The following KIF1C variants were observed in gnomAD, a reference collection of about 807,000 sequenced individuals.
KIF1C encodes the protein kinesin family member 1C.
In KIF1C, 61 loss-of-function variants were observed where a neutral mutation model predicts 126.5. The ratio of observed to expected loss-of-function variants is 0.48; its 90% CI spans 0.39 to 0.60. The LOEUF (loss-of-function observed/expected upper bound fraction) is 0.60. Ranked by LOEUF, KIF1C falls within the 20% of genes least tolerant of loss-of-function variation. KIF1C has a pLI of 0.00. For synonymous variants in KIF1C, 640 were observed against 580.6 expected, an observed-to-expected ratio of 1.10 and a Z score of -1.47; for missense variants, 1,315 against 1,489.2, an observed-to-expected ratio of 0.88 and a Z score of 1.93.
chr17:5,012,548 A>C (rs1162159226), intron 16 of KIF1C, among the ~76,000 whole-genome samples: 1 of 152,034 alleles, frequency 6.6e-6, no homozygotes, highest in Non-Finnish European at 1.5e-5. Flanking sequence ...CAGGGATGCC[A>C]GGGGAAAAAG....
chr17:5,014,776 C>T lies in KIF1C; in HGVS notation c.1605C>T (p.Thr535=), dbSNP rs145893640. The T allele has an allele frequency of 6.2e-5, 100 of 1,601,084 alleles. No homozygotes were observed. In the East Asian group the frequency reaches 1.5e-3, roughly 24 times the overall value. Residue 535 remains threonine (T), a synonymous_variant, in exon 18 of 23, where the codon ACC becomes ACT. Coordinates refer to ENST00000320785, the MANE Select transcript of KIF1C (RefSeq NM_006612.6). ...VGQVDMDIKL[T]GQFIREQHCL... ...AAGTAGATATGGACATCAAGCTGAC[C>T]GGACAGTTCATTCGGGAGCAACACT...
Position 4,998,078 on chromosome 17 carries a change from C to A in KIF1C, c.-227C>A, listed in dbSNP as rs1192093807. The A allele has an allele frequency of 6.6e-6, 1 of 151,676 alleles. No individual in the cohort carries two copies. The highest frequency in any genetic ancestry group is 6.6e-5 in the Admixed American group (1 of 15,258). The allele number at this position is 151,676 out of a possible 1,614,324, so 9.4% of individuals were successfully genotyped here. ...GGGCAGCTCCGAACCGGCCCCAGAT[C>A]CTTCCCGCTTCCGCCTCACGCTTCC... On this transcript the variant is annotated 5_prime_UTR_variant, in exon 1 of 23. Transcript: ENST00000320785.
intron 21 of KIF1C, among the ~76,000 whole-genome samples, chr17:5,021,882 G>T (rs1975097506): frequency 6.6e-6 from 1 of 152,106 alleles, no homozygotes; most frequent in Non-Finnish European, 1.5e-5. Context: ...ACTCCACGTG[G>T]ATCTGGGAGG....
Position 5,004,658 on chromosome 17 carries a change from G to T in KIF1C, c.1019+13G>T, listed in dbSNP as rs1974683811. 1 of 1,613,530 alleles carries T rather than the reference G, an allele frequency of 6.2e-7. No individual in the cohort carries two copies. Among genetic ancestry groups the T allele is most frequent in the East Asian group, 2.2e-5 (1 of 44,886 alleles). ...TCAGCACCCTCAGGTGAGGCTTTTG[G>T]CTCTAGCAGGGATGGGGCAGCATAG... On this transcript the variant is annotated intron_variant, in intron 12 of 22. Transcript: ENST00000320785.
At chr17:5,015,999 G>C (rs1195356714) in intron 18 of KIF1C, among the ~76,000 whole-genome samples, 1 of 152,068 alleles carries the variant, frequency 6.6e-6, no homozygotes. Flanking sequence ...GTGAAAATGA[G>C]TTGGGCAGGG....
intron 17 of KIF1C, 26 bp from the exon 18 acceptor site, chr17:5,014,717 A>G: frequency 1.3e-6 from 2 of 1,548,584 alleles, no homozygotes; most frequent in African/African-American, 2.7e-5. Context: ...GCACATGCTC[A>G]CAAACGTTGG....
chr17:5,008,516 G>C (rs1184557942), intron 16 of KIF1C, among the ~76,000 whole-genome samples: 5 of 152,262 alleles, frequency 3.3e-5, no homozygotes, highest in Non-Finnish European at 7.3e-5. Context: ...GAGCCAGACA[G>C]TGTCACTGGG....
At chr17:5,000,162 G>T in intron 2 of KIF1C, 58 bp from the exon 3 acceptor site, 1 of 928,734 alleles carries the variant, frequency 1.1e-6, no homozygotes, top group Non-Finnish European at 1.7e-6. Context: ...AAGCTGGGAG[G>T]CAATGTCTGG....
intron 8 of KIF1C, 142 bp downstream of exon 8, chr17:5,002,984 C>T (rs574118235): frequency 2.1e-5 from 13 of 627,698 alleles, no homozygotes; most frequent in South Asian, 1.7e-4. Flanking sequence ...CCGCGCCCCA[C>T]CCCTACCCTG....
In KIF1C at chr17:5,022,289, C is replaced by T; in HGVS notation, c.2208C>T (p.Gly736=). 6.2e-7 allele frequency: 1 copy of T among 1,613,112 alleles called. No homozygotes were observed. The highest frequency in any genetic ancestry group is 8.5e-7 in the Non-Finnish European group (1 of 1,179,576). ...TCCCCCAGCGACGCAGGCTGCAGGG[C>T]AAAGACCCCCGCTGGGCCACCATGG... ...YQIPQRRRLQ[G]KDPRWATMAD... is the part of the protein sequence containing the mutation. The change falls in exon 22 of 23, where the codon GGC becomes GGT. Residue 736 remains glycine (G), a synonymous_variant. Transcript: ENST00000320785. This position sits in a 1 kb window ranked among gnomAD's most constrained non-coding sequence, Gnocchi z 4.9.
At chr17:5,015,987 CTG>C (rs1974963465) in intron 18 of KIF1C, among the ~76,000 whole-genome samples, 1 of 151,960 alleles carries the variant, frequency 6.6e-6, no homozygotes, top group Non-Finnish European at 1.5e-5. Context: ...AGCAAAGTCT[CTG>C]TGAAAATGAG....
rs569107457 is a variant in KIF1C, at chr17:5,027,071, A to G, written c.*2920A>G. 1.3e-5 allele frequency: 2 copies of G among 152,312 alleles called. No individual in the cohort carries two copies. The highest frequency in any genetic ancestry group is 4.8e-5 in the African/African-American group (2 of 41,558). 9.4% of individuals were successfully genotyped at this position (152,312 alleles called of 1,614,324 possible). A position where few individuals can be genotyped will look rare whatever the true frequency, so the allele number is the denominator to read the frequency against. ...ATTTAGTCTTTAAAGTACCCCGGTA[A>G]AATAGGTCTTTTGTCTGCATTTTTC... On this transcript the variant is annotated 3_prime_UTR_variant, in exon 23 of 23. Transcript: ENST00000320785.
chr17:5,003,310 G>A (rs1000473426), intron 8 of KIF1C, among the ~76,000 whole-genome samples: 2 of 152,160 alleles, frequency 1.3e-5, no homozygotes, highest in Non-Finnish European at 1.5e-5. Context: ...GCCTCCCAAA[G>A]TGCTGGGATT....
At chr17:5,016,613 T>C (rs1163729041) in intron 18 of KIF1C, among the ~76,000 whole-genome samples, 2 of 151,344 alleles carry the variant, frequency 1.3e-5, no homozygotes, top group African/African-American at 4.8e-5. Flanking sequence ...GTTTAAGACA[T>C]ACCTCTTGGG....
chr17:5,022,218 C>G lies in KIF1C; in HGVS notation c.2137C>G (p.Leu713Val). ...TVQTIVKRCG[L>V]PSSGKRRAPR... ...CCAGACCATTGTCAAACGCTGTGGT[C>G]TGCCCAGCAGTGGCAAGCGCAGGGC... Residue 713 changes from leucine (L) to valine (V), a missense_variant, in exon 22 of 23, where the codon CTG (leucine) becomes GTG (valine). Physicochemically the swap from Leu to Val is conservative, Grantham distance 32 (BLOSUM62 1). This residue lies in a region of KIF1C where 874 missense variants were observed against 1,053.2 expected (regional missense o/e 0.83). Transcript: ENST00000320785. The surrounding 1 kb of genome is among the most constrained non-coding windows in gnomAD (Gnocchi z 4.9). 6.2e-7 allele frequency: 1 copy of G among 1,614,200 alleles called. No individual in the cohort carries two copies. Among genetic ancestry groups the G allele is most frequent in the South Asian group, 1.1e-5 (1 of 91,086 alleles).
At position 5,024,520 on chromosome 17, in the gene KIF1C, T is replaced by G; in HGVS notation, c.*369T>G. ...GGGAGAGGACTGAGAGTGAGGCAAG[T>G]TCTCCCCAGCCCCTGTCCGTCTGTC... On this transcript the variant is annotated 3_prime_UTR_variant, in exon 23 of 23. Coordinates refer to ENST00000320785, the MANE Select transcript of KIF1C (RefSeq NM_006612.6). 3 of 205,912 alleles carry G rather than the reference T, an allele frequency of 1.5e-5. No individual in the cohort carries two copies. Among genetic ancestry groups the G allele is most frequent in the East Asian group, 1.1e-4 (1 of 9,052 alleles). The allele number at this position is 205,912 out of a possible 1,614,324, so 12.8% of individuals were successfully genotyped here. A position where few individuals can be genotyped will look rare whatever the true frequency, so the allele number is the denominator to read the frequency against.
intron 18 of KIF1C, among the ~76,000 whole-genome samples, chr17:5,015,636 C>T (rs927620053): frequency 1.5e-5 from 2 of 129,658 alleles, no homozygotes; most frequent in African/African-American, 5.8e-5. Flanking sequence ...CTCACTGTTT[C>T]CCCCAGGCTG....
At chr17:4,998,615 C>T (rs1056607915) in intron 1 of KIF1C, among the ~76,000 whole-genome samples, 8 of 152,232 alleles carry the variant, frequency 5.3e-5, no homozygotes, top group African/African-American at 1.7e-4. Flanking sequence ...CCACCAGTGT[C>T]CTTCCCTCCC....
At chr17:5,000,422 G>T (rs368404633) in intron 3 of KIF1C, 70 bp downstream of exon 3, 3 of 1,068,748 alleles carry the variant, frequency 2.8e-6, no homozygotes, top group South Asian at 1.4e-5. Flanking sequence ...GGCCAGTCCC[G>T]CTGGGCCAAA....
Sources: allele counts gnomAD v4.1 joint callset (sites outside exome capture counted in the v4.1 genomes callset), GRCh38; gene constraint gnomAD v4.1.1; regional missense constraint gnomAD v4.1.1; non-coding constraint Gnocchi (gnomAD v3.1); transcripts MANE v1.5; gene names NCBI Gene and HGNC (gene_info 2026-07-23, HGNC 2026-07-21).